The following ECM2 variants were observed in gnomAD, a reference collection of about 807,000 sequenced individuals.
ECM2 encodes extracellular matrix protein 2.
ECM2 carries 57 observed loss-of-function variants against 67.5 expected under a neutral mutation model. That is an observed-to-expected ratio of 0.84 (90% CI 0.68 to 1.05). The LOEUF (loss-of-function observed/expected upper bound fraction) is 1.05, where lower values mean the gene tolerates loss of function less well. ECM2 is among the 50% of genes least tolerant of loss of function. The pLI is 0.00. For missense variants in ECM2, 741 were observed against 822.8 expected (o/e 0.90, Z 1.22); for synonymous variants, 258 against 294.5 (o/e 0.88, Z 1.27).
the ECM2 span, among the ~76,000 whole-genome samples, chr9:92,551,348 T>G: frequency 6.6e-6 from 1 of 152,088 alleles, no homozygotes. Context: ...TGATGCTTTT[T>G]GTTTTTTGAG....
intron 1 of ECM2, among the ~76,000 whole-genome samples, chr9:92,530,177 G>C (rs1848657606): frequency 6.6e-6 from 1 of 152,148 alleles, no homozygotes; most frequent in South Asian, 2.1e-4. Context: ...GTCCCCCAAG[G>C]GTACCAAGGG....
rs569187311 is a variant in ECM2 at position 92,502,573 on chromosome 9, A to G, written c.1544T>C (p.Val515Ala). 4.3e-6 allele frequency: 7 copies of G among 1,612,144 alleles called. No individual in the cohort carries two copies. In the South Asian group the frequency reaches 5.5e-5, roughly 13 times the overall value. Residue 515 changes from valine (V) to alanine (A), a missense_variant, in exon 8 of 10, where the codon GTA becomes GCA. Transcript: ENST00000344604. Reference protein sequence around the residue: ...FNHTRKINVIVLRYNKIEENR... With the variant: ...FNHTRKINVIALRYNKIEENR... ...TTCTTCAATTTTGTTATAACGTAGT[A>G]CAATGACATTGATCTTTCTGGTATG...
Position 92,512,076 on chromosome 9 carries a change from A to G in ECM2, c.1105T>C (p.Leu369=), listed in dbSNP as rs1311250536. The change falls in exon 5 of 10, where the codon TTG becomes CTG. Residue 369 remains leucine (L), a synonymous_variant. Transcript: ENST00000344604. The part of the protein sequence containing the change: ...PDEAFNGLPN[L]ERLDLSKNNI... The stretch of plus-strand genomic sequence containing the variant: ...TTTTTACTCAGATCAAGCCTTTCCA[A>G]ATTTGGTAATCCATTAAATGCTTCA... 1.2e-6 allele frequency: 2 copies of G among 1,613,778 alleles called. No individual in the cohort carries two copies. The highest frequency in any genetic ancestry group is 1.7e-6 in the Non-Finnish European group (2 of 1,179,854).
At position 92,496,149 on chromosome 9, in the gene ECM2, C is replaced by T. The variant is rs189401619; in HGVS notation, c.*166G>A. The T allele has an allele frequency of 5.6e-4, 735 of 1,316,792 alleles. 3 individuals are homozygous for T. The highest frequency in any genetic ancestry group is 4.3e-3 in the Admixed American group (109 of 25,068). 81.6% of individuals were successfully genotyped at this position (1,316,792 alleles called of 1,614,324 possible). On this transcript the variant is annotated 3_prime_UTR_variant, in exon 10 of 10. Coordinates refer to ENST00000344604, the MANE Select transcript of ECM2 (RefSeq NM_001393.4). ...ATTAATAAAACTCCTAGAGACTATA[C>T]CTTTTAGGTATATTTTGGTTGTTCA...
chr9:92,534,279 G>T lies in ECM2; in HGVS notation c.-28+1654C>A, dbSNP rs1049437739. Among the ~76,000 whole-genome samples the T allele has an allele frequency of 1.3e-5, 2 of 152,152 alleles. 1 individual carries two copies. The highest frequency in any genetic ancestry group is 1.3e-4 in the Admixed American group (2 of 15,284). ...TATTTCAAGGGAGTTGGTGAGAGGG[G>T]AAGAGGGCACAAGGTCAGCTCAGTT... On this transcript the variant is annotated intron_variant, in intron 1 of 9. Transcript: ENST00000344604.
intron 5 of ECM2, among the ~76,000 whole-genome samples, chr9:92,511,442 A>T (rs1219583297): frequency 1.9e-4 from 28 of 147,022 alleles, no homozygotes; most frequent in Admixed American, 1.4e-3. Flanking sequence ...TTTTTTTTTT[A>T]AATATATAAT....
intron 1 of ECM2, among the ~76,000 whole-genome samples, chr9:92,531,197 TTTTTCTG>T (rs1848729017): frequency 6.6e-6 from 1 of 152,144 alleles, no homozygotes; most frequent in African/African-American, 2.4e-5. Context: ...TCTATGTTCC[TTTTTCTG>T]TTTTCTTTCT....
chr9:92,516,948 T>TGG, intron 3 of ECM2: 1 of 152,436 alleles, frequency 6.6e-6, no homozygotes, highest in Non-Finnish European at 1.5e-5. Context: ...TCCCTATCCC[T>TGG]TCCCAGCCAA....
At chr9:92,551,950 TATGA>T in the ECM2 span, among the ~76,000 whole-genome samples, 4 of 121,492 alleles carry the variant, frequency 3.3e-5, no homozygotes, top group African/African-American at 1.5e-4. Flanking sequence ...TATATATATA[TATGA>T]TATATATATG....
chr9:92,532,236 T>G (rs576282240), intron 1 of ECM2, among the ~76,000 whole-genome samples: 2 of 151,952 alleles, frequency 1.3e-5, no homozygotes, highest in African/African-American at 4.8e-5. Flanking sequence ...ATTTTTTCAC[T>G]TTTAAAAGTA....
chr9:92,503,991 T>A (rs1399724199), intron 7 of ECM2, among the ~76,000 whole-genome samples: 1 of 152,230 alleles, frequency 6.6e-6, no homozygotes, highest in Non-Finnish European at 1.5e-5. Flanking sequence ...GTATGCCCAG[T>A]GCTTTCCAGA....
At chr9:92,551,579 A>T in the ECM2 span, among the ~76,000 whole-genome samples, 1 of 151,840 alleles carries the variant, frequency 6.6e-6, no homozygotes, top group Admixed American at 6.6e-5. Context: ...TTACATGAGT[A>T]AGTTGTTTAG....
At chr9:92,522,167 A>G (rs1848111269) in intron 2 of ECM2, among the ~76,000 whole-genome samples, 2 of 151,752 alleles carry the variant, frequency 1.3e-5, no homozygotes. Flanking sequence ...GCTCACTGCA[A>G]CCTCCACCTC....
intron 1 of ECM2, among the ~76,000 whole-genome samples, chr9:92,529,168 CA>C: frequency 1.3e-5 from 2 of 152,238 alleles, no homozygotes; most frequent in South Asian, 4.1e-4. Flanking sequence ...AAGAAATAGA[CA>C]AATCCACAAT....
the ECM2 span, among the ~76,000 whole-genome samples, chr9:92,557,238 T>C: frequency 1.3e-5 from 2 of 152,228 alleles, no homozygotes; most frequent in Admixed American, 1.3e-4. Context: ...TGCTTCTGTC[T>C]CACAGCTCTT....
chr9:92,505,042 C>T (rs1846913525), intron 7 of ECM2, among the ~76,000 whole-genome samples: 1 of 152,228 alleles, frequency 6.6e-6, no homozygotes, highest in South Asian at 2.1e-4. Flanking sequence ...TTGTAAGCTA[C>T]AGAGTTGCTG....
intron 3 of ECM2, among the ~76,000 whole-genome samples, chr9:92,515,583 C>T (rs1006327698): frequency 6.6e-6 from 1 of 152,180 alleles, no homozygotes; most frequent in Non-Finnish European, 1.5e-5. Context: ...ATAATAGATA[C>T]TGTTCTGTTC....
intron 9 of ECM2, 134 bp from the exon 10 acceptor site, chr9:92,496,617 A>T: frequency 9.2e-7 from 1 of 1,082,276 alleles, no homozygotes; most frequent in Non-Finnish European, 1.2e-6. Flanking sequence ...ATAAATTCCA[A>T]CTACGTCAGA....
chr9:92,497,543 G>A (rs1235816944), intron 9 of ECM2, among the ~76,000 whole-genome samples: 2 of 151,520 alleles, frequency 1.3e-5, no homozygotes, highest in African/African-American at 4.9e-5. Context: ...AGAATTGCTT[G>A]AACCTGGGAG....
Sources: gnomAD v4.1 joint callset for allele counts (sites outside exome capture counted in the v4.1 genomes callset) on GRCh38, gnomAD v4.1.1 for gene constraint, MANE v1.5 for transcripts, NCBI Gene and HGNC (gene_info 2026-07-23, HGNC 2026-07-21) for gene names.